EFCAB14: variants seen among roughly 807,000 people sequenced by gnomAD.
EFCAB14 encodes EF-hand calcium binding domain 14.
A neutral mutation model predicts 56.5 loss-of-function variants in EFCAB14; 43 were observed. That is an observed-to-expected ratio of 0.76 (90% CI 0.60 to 0.98). EFCAB14 has a LOEUF of 0.98. Among genes scored for constraint, EFCAB14 ranks in the 50% least tolerant of loss-of-function variants. The pLI, the probability that EFCAB14 is intolerant of heterozygous loss-of-function variation, is 0.00. For missense variants in EFCAB14, 538 were observed against 580.3 expected (o/e 0.93, Z 0.75); for synonymous variants, 235 against 212.9 (o/e 1.10, Z -0.90).
rs773870130 is a variant in EFCAB14, at chr1:46,688,355, T to C, written c.985A>G (p.Met329Val). 4.3e-6 allele frequency: 7 copies of C among 1,613,306 alleles called. No homozygotes were observed. Among genetic ancestry groups the C allele is most frequent in the Admixed American group, 1.7e-5 (1 of 59,978 alleles). The stretch of plus-strand genomic sequence containing the variant: ...ACAAAAGATCAGAAAAGGCTTACCA[T>C]GCTGAAGGACAGGTTTGCTTTCTTT... Reference protein sequence around the residue: ...VEKKANLSFSMMGDRSATLKR... With the variant: ...VEKKANLSFSVMGDRSATLKR... The change falls in exon 7 of 11, where the codon ATG (methionine) becomes GTG (valine). Residue 329 changes from methionine (M) to valine (V), a missense_variant and splice_region_variant. Physicochemically the swap from Met to Val is conservative, Grantham distance 21. Coordinates refer to ENST00000371933, the MANE Select transcript of EFCAB14 (RefSeq NM_014774.3).
At chr1:46,685,835 T>TA (rs1007523334) in intron 8 of EFCAB14, among the ~76,000 whole-genome samples, 1 of 152,060 alleles carries the variant, frequency 6.6e-6, no homozygotes, top group Non-Finnish European at 1.5e-5. Context: ...AGGTGAGGTT[T>TA]AAAAAAAATC....
At chr1:46,682,667 GCACT>G (rs1676814208) in intron 10 of EFCAB14, among the ~76,000 whole-genome samples, 1 of 152,146 alleles carries the variant, frequency 6.6e-6, no homozygotes, top group Non-Finnish European at 1.5e-5. Flanking sequence ...GTTTAATGAG[GCACT>G]CAGTGAATGA....
At chr1:46,679,306 T>C (rs542848075) in intron 10 of EFCAB14, among the ~76,000 whole-genome samples, 1 of 152,300 alleles carries the variant, frequency 6.6e-6, no homozygotes. Flanking sequence ...TACAAATTTC[T>C]TTTCTTTTTT....
Position 46,705,353 on chromosome 1 carries a change from A to G in EFCAB14, c.480+2553T>C, listed in dbSNP as rs377248918. Among the ~76,000 whole-genome samples the G allele has an allele frequency of 2.6e-5, 4 of 152,350 alleles. No homozygotes were observed. In the South Asian group the frequency reaches 8.3e-4, roughly 32 times the overall value. ...TTTCACTGCAATCTCTTCCAGTTTC[A>G]TAGATGAAGCCCTAGGACAGAAGCA... is the stretch of plus-strand genomic sequence containing the variant. On this transcript the variant is annotated intron_variant, in intron 3 of 10. Transcript: ENST00000371933.
chr1:46,696,186 T>G (rs1677076133), intron 4 of EFCAB14, among the ~76,000 whole-genome samples: 1 of 152,024 alleles, frequency 6.6e-6, no homozygotes, highest in Non-Finnish European at 1.5e-5. Flanking sequence ...ATTGGTCTGC[T>G]TTGATGAAGA....
intron 4 of EFCAB14, among the ~76,000 whole-genome samples, chr1:46,694,850 T>C (rs902167038): frequency 2.6e-5 from 4 of 152,266 alleles, no homozygotes; most frequent in African/African-American, 7.2e-5. Context: ...AGTGATAGAC[T>C]AGATTAAGAA....
At chr1:46,687,996 TAAAAA>T (rs1323629507) in intron 7 of EFCAB14, among the ~76,000 whole-genome samples, 8 of 152,010 alleles carry the variant, frequency 5.3e-5, no homozygotes, top group Admixed American at 5.2e-4. Flanking sequence ...CCTAATAACT[TAAAAA>T]AGAAAAGACC....
rs145642862 is a variant in EFCAB14 at position 46,690,662 on chromosome 1, G to C, written c.691-971C>G. Among the ~76,000 whole-genome samples, 97 of 152,270 alleles carry C rather than the reference G, an allele frequency of 6.4e-4. 1 individual carries two copies. The East Asian group carries it at 0.017, about 27-fold the overall frequency. On this transcript the variant is annotated intron_variant, in intron 5 of 10. Transcript: ENST00000371933. ...ATAATAAAAGAATTGCTGAATTAGA[G>C]GGGTCTTTGTTACTATGGGTCACAC... is the stretch of plus-strand genomic sequence containing the variant.
At chr1:46,691,724 C>A in intron 5 of EFCAB14, 103 bp downstream of exon 5, 1 of 695,536 alleles carries the variant, frequency 1.4e-6, no homozygotes, top group Middle Eastern at 2.5e-4. Context: ...ATCTTTTGAA[C>A]AGATGCATAG....
chr1:46,687,052 G>A, intron 7 of EFCAB14, 182 bp from the exon 8 acceptor site: 8 of 603,794 alleles, frequency 1.3e-5, no homozygotes, highest in Non-Finnish European at 2.3e-5. Context: ...CAGAGACGAA[G>A]TTGAAACTAG....
rs1194200955 is a variant in EFCAB14 at position 46,717,885 on chromosome 1, C to A, written c.185+18G>T. ...AAGGAGATGCCTTCTTCCCATTCCACCTTTCACCACTACTCACTTGGCAAA... is the reference window on the plus strand; with the variant it reads ...AAGGAGATGCCTTCTTCCCATTCCAACTTTCACCACTACTCACTTGGCAAA... On this transcript the variant is annotated intron_variant, in intron 1 of 10. Transcript: ENST00000371933. 2 of 1,608,444 alleles carry A rather than the reference C, an allele frequency of 1.2e-6. No homozygotes were observed. Among genetic ancestry groups the A allele is most frequent in the Non-Finnish European group, 1.7e-6 (2 of 1,176,482 alleles).
intron 2 of EFCAB14, among the ~76,000 whole-genome samples, chr1:46,708,883 T>C (rs1468661257): frequency 6.6e-6 from 1 of 151,996 alleles, no homozygotes; most frequent in Non-Finnish European, 1.5e-5. Context: ...AAAGAGCATT[T>C]TCCCTTTTCA....
At chr1:46,694,976 G>C (rs192330501) in intron 4 of EFCAB14, among the ~76,000 whole-genome samples, 3 of 150,658 alleles carry the variant, frequency 2.0e-5, no homozygotes, top group African/African-American at 7.3e-5. Flanking sequence ...ACTATTGCAA[G>C]GACAAAAAAC....
intron 2 of EFCAB14, among the ~76,000 whole-genome samples, chr1:46,715,894 C>T (rs1677381391): frequency 1.3e-5 from 2 of 152,156 alleles, no homozygotes; most frequent in South Asian, 2.1e-4. Flanking sequence ...CAAAAATCTT[C>T]GTTCAGCAGG....
At chr1:46,705,411 T>C (rs1342998359) in intron 3 of EFCAB14, among the ~76,000 whole-genome samples, 1 of 152,244 alleles carries the variant, frequency 6.6e-6, no homozygotes, top group Non-Finnish European at 1.5e-5. Context: ...TCTTGAATAA[T>C]ATTTTGTCCA....
At position 46,684,476 on chromosome 1, in the gene EFCAB14, C is replaced by T. The variant is rs199735021; in HGVS notation, c.1186+15G>A. The T allele has an allele frequency of 1.1e-4, 172 of 1,606,994 alleles. No individual in the cohort carries two copies. The highest frequency in any genetic ancestry group is 1.3e-4 in the Non-Finnish European group (150 of 1,174,010). On this transcript the variant is annotated intron_variant, in intron 9 of 10. Coordinates refer to ENST00000371933, the MANE Select transcript of EFCAB14 (RefSeq NM_014774.3). ...AAGCCTCCATGAAATATTAAGAAGC[C>T]GGCTCTGCTCTCACCTTCATCGGCG...
chr1:46,688,464 G>A lies in EFCAB14; in HGVS notation c.876C>T (p.Leu292=), dbSNP rs767328854. ...TACTGACTGTCTCGTTCATTCCCTC[G>A]AGTTTAAGATCATTCTGTCTCTGGT... The part of the protein sequence containing the change: ...VGYQRQNDLK[L]EGMNETVSNL... Residue 292 remains leucine, a synonymous_variant, in exon 7 of 11, where the codon CTC becomes CTT. Transcript: ENST00000371933. The A allele has an allele frequency of 5.6e-6, 9 of 1,613,726 alleles. No individual in the cohort carries two copies. Among genetic ancestry groups the A allele is most frequent in the Admixed American group, 3.3e-5 (2 of 59,960 alleles).
In EFCAB14 at chr1:46,683,415, C is replaced by T; in HGVS notation, c.1197G>A (p.Glu399=). The part of the protein sequence containing the change: ...PPETADEEQV[E]SFTSKPSALP... ...ATGCTGATGGCTTTGATGTGAAACT[C>T]TCTACTTGCTCTGTAACAAATACAT... Residue 399 remains glutamate, a synonymous_variant, in exon 10 of 11, where the codon GAG becomes GAA. Coordinates refer to ENST00000371933, the MANE Select transcript of EFCAB14 (RefSeq NM_014774.3). 1.2e-6 allele frequency: 2 copies of T among 1,613,476 alleles called. No individual in the cohort carries two copies. Among genetic ancestry groups the T allele is most frequent in the African/African-American group, 1.3e-5 (1 of 75,016 alleles).
intron 5 of EFCAB14, 54 bp from the exon 6 acceptor site, chr1:46,689,745 T>A: frequency 1.4e-6 from 2 of 1,468,336 alleles, no homozygotes; most frequent in Non-Finnish European, 9.5e-7. Flanking sequence ...TAGGTCTACT[T>A]AACTATCTGA....
Sources: allele counts gnomAD v4.1 joint callset (sites outside exome capture counted in the v4.1 genomes callset), GRCh38; gene constraint gnomAD v4.1.1; transcripts MANE v1.5; gene names NCBI Gene and HGNC (gene_info 2026-07-23, HGNC 2026-07-21).